The following LUZP2 variants were observed in gnomAD, a reference collection of about 807,000 sequenced individuals.
LUZP2 encodes the protein leucine zipper protein 2.
A neutral mutation model predicts 51.6 loss-of-function variants in LUZP2; 52 were observed. That is an observed-to-expected ratio of 1.01 (90% CI 0.81 to 1.27). The LOEUF (loss-of-function observed/expected upper bound fraction) is 1.27, where lower values mean the gene tolerates loss of function less well. Among genes scored for constraint, LUZP2 ranks in the 50% most tolerant of loss-of-function variants. The pLI is 0.00. For missense variants in LUZP2, 436 were observed against 395.4 expected, an observed-to-expected ratio of 1.10 and a Z score of -0.87; for synonymous variants, 154 against 137.3, an observed-to-expected ratio of 1.12 and a Z score of -0.85.
intron 7 of LUZP2, among the ~76,000 whole-genome samples, chr11:24,954,583 T>C (rs2133868313): frequency 6.6e-6 from 1 of 152,132 alleles, no homozygotes; most frequent in African/African-American, 2.4e-5. Flanking sequence ...CATTGCCTCC[T>C]TTCTAGCTGA....
Position 24,729,276 on chromosome 11 carries a change from T to A in LUZP2, c.170T>A (p.Val57Asp). 3 of 1,535,346 alleles carry A rather than the reference T, an allele frequency of 2.0e-6. No individual in the cohort carries two copies. Among genetic ancestry groups the A allele is most frequent in the Non-Finnish European group, 2.7e-6 (3 of 1,125,808 alleles). Residue 57 changes from valine (V) to aspartate (D), a missense_variant, in exon 2 of 12, where the codon GTC becomes GAC. Transcript: ENST00000336930. ...KTSRELDGIK[V>D]NLQSLKNDEQ... ...TCAAGAGAACTTGATGGAATTAAAG[T>A]CAATCTTCAGGTGAGATGAGAACTC...
At chr11:24,811,778 G>C (rs1205195888) in intron 5 of LUZP2, among the ~76,000 whole-genome samples, 1 of 152,118 alleles carries the variant, frequency 6.6e-6, no homozygotes, top group East Asian at 1.9e-4. Context: ...GATTAGATAA[G>C]GTATCACGTC....
intron 6 of LUZP2, among the ~76,000 whole-genome samples, chr11:24,912,235 CCTTTT>C (rs1197377157): frequency 6.6e-6 from 1 of 151,270 alleles, no homozygotes; most frequent in African/African-American, 2.4e-5. Flanking sequence ...CTTCCTGTCT[CCTTTT>C]CTTTTTTTTT....
At position 24,672,936 on chromosome 11, in the gene LUZP2, T is replaced by C. The variant is rs575788209; in HGVS notation, c.63-56233T>C. 2.6e-5 allele frequency among the ~76,000 whole-genome samples: 4 copies of C among 152,276 alleles called. No individual in the cohort carries two copies. The East Asian group carries it at 7.7e-4, about 29-fold the overall frequency. Reference sequence around the variant, plus strand: ...ATTATTGCCTGAGCTCTGTCTCCCGTCAAATCAGCCGTGGCATTAGATACT... The same window carrying C: ...ATTATTGCCTGAGCTCTGTCTCCCGCCAAATCAGCCGTGGCATTAGATACT... On this transcript the variant is annotated intron_variant, in intron 1 of 11. Coordinates refer to ENST00000336930, the MANE Select transcript of LUZP2 (RefSeq NM_001009909.4).
chr11:24,956,655 G>C (rs1855221421), intron 7 of LUZP2, among the ~76,000 whole-genome samples: 1 of 152,052 alleles, frequency 6.6e-6, no homozygotes, highest in African/African-American at 2.4e-5. Flanking sequence ...GGTGTAACAG[G>C]AAATAAAGAT....
intron 5 of LUZP2, among the ~76,000 whole-genome samples, chr11:24,865,547 C>CA (rs1434161824): frequency 6.6e-6 from 1 of 152,134 alleles, no homozygotes; most frequent in Non-Finnish European, 1.5e-5. Context: ...GCAGGAGTGG[C>CA]ATGGGTTAAC....
chr11:24,582,829 GAA>G (rs1455096023), intron 1 of LUZP2, among the ~76,000 whole-genome samples: 1 of 151,970 alleles, frequency 6.6e-6, no homozygotes, highest in East Asian at 1.9e-4. Flanking sequence ...CATCTTGTAT[GAA>G]GAGTTATAAG....
At chr11:24,726,706 G>A (rs1255293100) in intron 1 of LUZP2, among the ~76,000 whole-genome samples, 1 of 152,026 alleles carries the variant, frequency 6.6e-6, no homozygotes, top group Non-Finnish European at 1.5e-5. Flanking sequence ...ATATATTCAA[G>A]TACAACCAAA....
intron 7 of LUZP2, among the ~76,000 whole-genome samples, chr11:24,971,716 A>G (rs576702157): frequency 6.6e-6 from 1 of 152,298 alleles, no homozygotes; most frequent in African/African-American, 2.4e-5. Context: ...CCAAACTGGA[A>G]TCAAAGTATT....
intron 9 of LUZP2, among the ~76,000 whole-genome samples, chr11:24,995,828 T>C (rs1268459470): frequency 6.6e-6 from 1 of 152,030 alleles, no homozygotes; most frequent in African/African-American, 2.4e-5. Context: ...ACTTGCTGTT[T>C]ACTTGTTTCC....
At chr11:24,551,901 C>T (rs1851735745) in intron 1 of LUZP2, among the ~76,000 whole-genome samples, 1 of 151,810 alleles carries the variant, frequency 6.6e-6, no homozygotes, top group African/African-American at 2.4e-5. Context: ...GTCACCTCCC[C>T]ATACCCATTA....
intron 5 of LUZP2, among the ~76,000 whole-genome samples, chr11:24,816,825 A>C (rs954757058): frequency 6.6e-6 from 1 of 152,102 alleles, no homozygotes; most frequent in African/African-American, 2.4e-5. Flanking sequence ...TAGGTAACTC[A>C]GTTTTTGGAG....
intron 1 of LUZP2, among the ~76,000 whole-genome samples, chr11:24,726,440 T>G (rs1858478547): frequency 6.6e-6 from 1 of 151,684 alleles, no homozygotes; most frequent in South Asian, 2.1e-4. Flanking sequence ...TAAATACATG[T>G]ACCTACTAAA....
Position 24,961,667 on chromosome 11 carries a change from T to A in LUZP2, c.523-14924T>A, listed in dbSNP as rs1038890290. Among the ~76,000 whole-genome samples the A allele has an allele frequency of 1.8e-4, 27 of 152,238 alleles. 1 individual carries two copies. The highest frequency in any genetic ancestry group is 6.5e-4 in the African/African-American group (27 of 41,556). On this transcript the variant is annotated intron_variant, in intron 7 of 11. Coordinates refer to ENST00000336930, the MANE Select transcript of LUZP2 (RefSeq NM_001009909.4). ...TCTGCATGTGAGATGGGTTTCCTGA[T>A]TATAGCTCATTGATGGGTCTTGACT...
At chr11:24,745,269 GT>G (rs1162745918) in intron 4 of LUZP2, among the ~76,000 whole-genome samples, 1 of 152,024 alleles carries the variant, frequency 6.6e-6, no homozygotes, top group Non-Finnish European at 1.5e-5. Flanking sequence ...CTTTGTTGAC[GT>G]TCTGTCTTGA....
At chr11:24,626,471 C>T (rs531746698) in intron 1 of LUZP2, among the ~76,000 whole-genome samples, 24 of 152,278 alleles carry the variant, frequency 1.6e-4, no homozygotes, top group African/African-American at 3.6e-4. Context: ...TTACATTTTC[C>T]TCCTCTAGAT....
intron 1 of LUZP2, among the ~76,000 whole-genome samples, chr11:24,702,693 A>G (rs763751890): frequency 4.6e-5 from 7 of 152,190 alleles, no homozygotes; most frequent in Admixed American, 2.0e-4. Flanking sequence ...CCCCACCTCC[A>G]ACATGGGGAT....
chr11:24,972,129 G>A (rs1855754792), intron 7 of LUZP2, among the ~76,000 whole-genome samples: 1 of 107,300 alleles, frequency 9.3e-6, no homozygotes, highest in Admixed American at 1.2e-4. Context: ...TGACAGCGGA[G>A]TGAGACTCCG....
intron 7 of LUZP2, among the ~76,000 whole-genome samples, chr11:24,928,660 T>C (rs1227495184): frequency 6.6e-6 from 1 of 152,148 alleles, no homozygotes; most frequent in Non-Finnish European, 1.5e-5. Context: ...TTTGCATCTG[T>C]GTTCATCAAG....
Sources: allele counts gnomAD v4.1 joint callset (sites outside exome capture counted in the v4.1 genomes callset), GRCh38; gene constraint gnomAD v4.1.1; transcripts MANE v1.5; gene names NCBI Gene and HGNC (gene_info 2026-07-23, HGNC 2026-07-21).